KCNMA1: variants seen among roughly 807,000 people sequenced by gnomAD.
KCNMA1 encodes the protein Calcium-activated potassium channel subunit alpha-1.
Under a neutral mutation model 140.0 loss-of-function variants are expected in KCNMA1, and 29 were observed. That is an observed-to-expected ratio of 0.21 (90% CI 0.15 to 0.28). The LOEUF is 0.28. Among genes scored for constraint, KCNMA1 ranks in the 10% least tolerant of loss-of-function variants. The pLI is 1.00. For synonymous variants in KCNMA1, 612 were observed against 611.9 expected (o/e 1.00, Z 0.00); for missense variants, 880 against 1,602.2 (o/e 0.55, Z 7.70).
chr10:77,088,142 G>T (rs1169415386), intron 10 of KCNMA1, among the ~76,000 whole-genome samples: 3 of 151,898 alleles, frequency 2.0e-5, no homozygotes, highest in South Asian at 2.1e-4. Context: ...TGTGTTTTCA[G>T]TAGACACAGG....
At chr10:77,498,980 A>G (rs2042874322) in intron 1 of KCNMA1, 1 of 152,160 alleles carries the variant, frequency 6.6e-6, no homozygotes. Flanking sequence ...CGTTTCCCCA[A>G]TCTATATAAT....
chr10:77,044,545 A>T (rs1482359290), intron 14 of KCNMA1, among the ~76,000 whole-genome samples: 1 of 152,170 alleles, frequency 6.6e-6, no homozygotes, highest in Non-Finnish European at 1.5e-5. Context: ...GCTACTCAGG[A>T]GGCTGAGGCA....
At chr10:77,399,679 A>G (rs2096196695) in intron 2 of KCNMA1, among the ~76,000 whole-genome samples, 1 of 152,180 alleles carries the variant, frequency 6.6e-6, no homozygotes, top group African/African-American at 2.4e-5. Context: ...GTTGACTATA[A>G]AAAGCACTGG....
intron 2 of KCNMA1, among the ~76,000 whole-genome samples, chr10:77,335,628 T>G (rs750610050): frequency 1.4e-4 from 21 of 152,124 alleles, no homozygotes; most frequent in Non-Finnish European, 2.8e-4. Flanking sequence ...GTGCAGAAAT[T>G]GCAGAGTGGA....
At chr10:77,117,588 T>C (rs1450894325) in intron 6 of KCNMA1, among the ~76,000 whole-genome samples, 1 of 131,164 alleles carries the variant, frequency 7.6e-6, no homozygotes, top group Non-Finnish European at 1.7e-5. Flanking sequence ...AAAGAAAAAT[T>C]AGAGGAAACA....
At chr10:77,528,977 T>C (rs2056796288) in intron 1 of KCNMA1, among the ~76,000 whole-genome samples, 1 of 152,182 alleles carries the variant, frequency 6.6e-6, no homozygotes, top group South Asian at 2.1e-4. Flanking sequence ...AGGGTTTCCA[T>C]CTGCAGTGCT....
intron 1 of KCNMA1, among the ~76,000 whole-genome samples, chr10:77,439,943 C>A (rs1202553816): frequency 1.3e-5 from 2 of 152,204 alleles, no homozygotes; most frequent in African/African-American, 4.8e-5. Flanking sequence ...CGAGCATAAA[C>A]AGCAGCTTTC....
rs1589508748 is a variant in KCNMA1 at position 76,885,869 on chromosome 10, A to C, written c.*1397T>G. The C allele has an allele frequency of 1.0e-6, 1 of 985,216 alleles. No individual in the cohort carries two copies. Among genetic ancestry groups the C allele is most frequent in the African/African-American group, 1.7e-5 (1 of 57,360 alleles). The allele number at this position is 985,216 out of a possible 1,614,324, so 61.0% of individuals were successfully genotyped here. On this transcript the variant is annotated 3_prime_UTR_variant, in exon 28 of 28. Transcript: ENST00000286628. ...AAGAAAACAAAAGAAGAAAAAAATA[A>C]CTATACCAAAATGTGTTTGGCTCAC...
At chr10:77,483,726 A>AG in intron 1 of KCNMA1, among the ~76,000 whole-genome samples, 1 of 152,280 alleles carries the variant, frequency 6.6e-6, no homozygotes. Flanking sequence ...CACATTCAAG[A>AG]ACCTGGTGAA....
At position 77,610,675 on chromosome 10, in the gene KCNMA1, G is replaced by T. The variant is rs376981542; in HGVS notation, c.378+26590C>A. On this transcript the variant is annotated intron_variant, in intron 1 of 27. Transcript: ENST00000286628. The stretch of plus-strand genomic sequence containing the variant: ...TGATTCCACTTATATGAAGTGTCCA[G>T]ATCAGGCACATCCAGAGAGCCCACA... Among the ~76,000 whole-genome samples, 5 of 152,240 alleles carry T rather than the reference G, an allele frequency of 3.3e-5. No individual in the cohort carries two copies. The East Asian group carries it at 7.7e-4, about 23-fold the overall frequency.
chr10:77,364,025 A>G (rs989322423), intron 2 of KCNMA1, among the ~76,000 whole-genome samples: 1 of 152,168 alleles, frequency 6.6e-6, no homozygotes, highest in Non-Finnish European at 1.5e-5. Flanking sequence ...ACAATGCCTG[A>G]CACCTAGCAG....
intron 1 of KCNMA1, among the ~76,000 whole-genome samples, chr10:77,509,611 G>A (rs1326358705): frequency 6.6e-6 from 1 of 152,150 alleles, no homozygotes; most frequent in Non-Finnish European, 1.5e-5. Flanking sequence ...ATTCCCGCCA[G>A]CAATGGACAA....
intron 6 of KCNMA1, 41 bp from the exon 7 acceptor site, chr10:77,112,483 G>C (rs2097348315): frequency 6.6e-7 from 1 of 1,520,422 alleles, no homozygotes; most frequent in East Asian, 2.3e-5. Context: ...CGTTACCAAG[G>C]GAAGGCCCTG....
intron 1 of KCNMA1, among the ~76,000 whole-genome samples, chr10:77,472,354 A>G (rs1328439973): frequency 1.3e-5 from 2 of 150,790 alleles, no homozygotes; most frequent in Non-Finnish European, 3.0e-5. Flanking sequence ...ACACATACAC[A>G]CACCACACAC....
At chr10:76,941,235 T>C (rs1470345768) in intron 23 of KCNMA1, among the ~76,000 whole-genome samples, 1 of 150,626 alleles carries the variant, frequency 6.6e-6, no homozygotes, top group Non-Finnish European at 1.5e-5. Context: ...AAATGGAGAG[T>C]AACATGAAAT....
intron 23 of KCNMA1, among the ~76,000 whole-genome samples, chr10:76,928,496 T>C (rs1025063515): frequency 6.6e-6 from 1 of 152,132 alleles, no homozygotes; most frequent in African/African-American, 2.4e-5. Context: ...AATGGAACTT[T>C]TGGAACATAA....
chr10:77,204,739 T>G (rs1167289044), intron 3 of KCNMA1, among the ~76,000 whole-genome samples: 1 of 152,180 alleles, frequency 6.6e-6, no homozygotes, highest in Non-Finnish European at 1.5e-5. Flanking sequence ...TAGTTCCCCT[T>G]AAGTGCTCTA....
rs796344203 is a variant in KCNMA1 at position 77,164,617 on chromosome 10, T to A, written c.808+18804A>T. On this transcript the variant is annotated intron_variant, in intron 5 of 27. Transcript: ENST00000286628. ...GCTCTTCCTCCTCTAGAAGCCACCA[T>A]TTCTCTTCGCTATCTAGACCCCAGG... is the stretch of plus-strand genomic sequence containing the variant. Among the ~76,000 whole-genome samples, 7 of 152,192 alleles carry A rather than the reference T, an allele frequency of 4.6e-5. 1 individual carries two copies. Among genetic ancestry groups the A allele is most frequent in the African/African-American group, 1.7e-4 (7 of 41,556 alleles).
At chr10:77,526,702 T>G (rs532868049) in intron 1 of KCNMA1, among the ~76,000 whole-genome samples, 1 of 152,346 alleles carries the variant, frequency 6.6e-6, no homozygotes, top group Non-Finnish European at 1.5e-5. Flanking sequence ...GTGTTGATTT[T>G]CTGAGCTTTC....
Sources: gnomAD v4.1 joint callset for allele counts (sites outside exome capture counted in the v4.1 genomes callset) on GRCh38, gnomAD v4.1.1 for gene constraint, MANE v1.5 for transcripts, NCBI Gene and HGNC (gene_info 2026-07-23, HGNC 2026-07-21) for gene names.